AFG2A: variants seen among roughly 807,000 people sequenced by gnomAD.
AFG2A encodes the protein ATPase family gene 2 protein homolog A.
At chr4:123,290,374 A>G in the AFG2A span, among the ~76,000 whole-genome samples, 8 of 152,112 alleles carry the variant, frequency 5.3e-5, no homozygotes, top group Non-Finnish European at 7.4e-5. Flanking sequence ...CTTTTTTTAT[A>G]CAGTGAGAGA....
the AFG2A span, among the ~76,000 whole-genome samples, chr4:122,994,603 T>C: frequency 6.6e-6 from 1 of 152,202 alleles, no homozygotes; most frequent in South Asian, 2.1e-4. Context: ...TTTATACTTT[T>C]TGATCTTGCC....
the AFG2A span, among the ~76,000 whole-genome samples, chr4:123,289,752 T>C: frequency 6.6e-6 from 1 of 151,928 alleles, no homozygotes; most frequent in East Asian, 1.9e-4. Flanking sequence ...CTCATTGTGG[T>C]TTTAATTTGG....
chr4:123,091,907 C>T, the AFG2A span, among the ~76,000 whole-genome samples: 3 of 152,184 alleles, frequency 2.0e-5, no homozygotes, highest in Non-Finnish European at 4.4e-5. Flanking sequence ...GAGCTACTTT[C>T]TTCCTGTGTA....
At chr4:123,063,804 C>T in the AFG2A span, among the ~76,000 whole-genome samples, 7 of 151,708 alleles carry the variant, frequency 4.6e-5, no homozygotes, top group South Asian at 2.1e-4. Flanking sequence ...CAGGATGTTT[C>T]ACAATTGAGC....
At chr4:123,223,328 G>A in the AFG2A span, among the ~76,000 whole-genome samples, 1 of 151,934 alleles carries the variant, frequency 6.6e-6, no homozygotes, top group Admixed American at 6.6e-5. Flanking sequence ...TTGCCCATTT[G>A]TATATTTTCT....
the AFG2A span, among the ~76,000 whole-genome samples, chr4:123,310,315 G>T: frequency 6.6e-6 from 1 of 152,176 alleles, no homozygotes. Flanking sequence ...CACTATCATT[G>T]TGAATTTTAG....
chr4:123,281,637 G>A, the AFG2A span, among the ~76,000 whole-genome samples: 3 of 152,114 alleles, frequency 2.0e-5, no homozygotes, highest in African/African-American at 7.2e-5. Flanking sequence ...TAAAGTAGAA[G>A]AAAGAAATTT....
At chr4:123,192,469 C>T in the AFG2A span, among the ~76,000 whole-genome samples, 1 of 152,192 alleles carries the variant, frequency 6.6e-6, no homozygotes, top group South Asian at 2.1e-4. Context: ...AAGATGGAGG[C>T]TACTAGCTAC....
At chr4:123,098,180 T>C in the AFG2A span, among the ~76,000 whole-genome samples, 1 of 152,072 alleles carries the variant, frequency 6.6e-6, no homozygotes, top group Non-Finnish European at 1.5e-5. Flanking sequence ...ATTAGTAGCC[T>C]TTAATGTCTG....
chr4:123,024,908 C>A, the AFG2A span, among the ~76,000 whole-genome samples: 1 of 152,138 alleles, frequency 6.6e-6, no homozygotes, highest in Non-Finnish European at 1.5e-5. Context: ...CCTGGTCCTT[C>A]TCCCAGTGTG....
the AFG2A span, among the ~76,000 whole-genome samples, chr4:123,223,514 A>G: frequency 1.1e-4 from 17 of 152,154 alleles, no homozygotes; most frequent in African/African-American, 4.1e-4. Flanking sequence ...GCCTCAGGAA[A>G]CTTCCAATCA....
the AFG2A span, chr4:123,317,935 G>C: frequency 6.6e-6 from 1 of 152,314 alleles, no homozygotes; most frequent in African/African-American, 2.4e-5. Flanking sequence ...TTCCTCAGGG[G>C]AGAAAAGTTG....
the AFG2A span, among the ~76,000 whole-genome samples, chr4:123,056,744 T>A: frequency 6.6e-6 from 1 of 152,226 alleles, no homozygotes; most frequent in Non-Finnish European, 1.5e-5. Context: ...TAATAATACC[T>A]ATCATTTATT....
At chr4:123,290,490 G>A in the AFG2A span, among the ~76,000 whole-genome samples, 2 of 152,114 alleles carry the variant, frequency 1.3e-5, no homozygotes, top group Non-Finnish European at 2.9e-5. Context: ...ATAAAAGATT[G>A]TTGGCTATAG....
the AFG2A span, among the ~76,000 whole-genome samples, chr4:123,080,689 A>C: frequency 4.6e-5 from 7 of 151,102 alleles, no homozygotes; most frequent in Non-Finnish European, 1.5e-5. Flanking sequence ...TAAATATCTA[A>C]ATCTCCAGTT....
At chr4:123,039,386 G>A in the AFG2A span, among the ~76,000 whole-genome samples, 1 of 151,984 alleles carries the variant, frequency 6.6e-6, no homozygotes, top group Admixed American at 6.6e-5. Flanking sequence ...AGTTTGCCTA[G>A]GTAGTTGCTC....
the AFG2A span, among the ~76,000 whole-genome samples, chr4:123,123,552 G>T: frequency 1.3e-5 from 2 of 152,028 alleles, no homozygotes; most frequent in South Asian, 4.2e-4. Flanking sequence ...AAAATATCTG[G>T]TATACTCTGC....
chr4:123,123,326 A>G, the AFG2A span, among the ~76,000 whole-genome samples: 1 of 152,176 alleles, frequency 6.6e-6, no homozygotes, highest in Non-Finnish European at 1.5e-5. Context: ...GTTCCTGCCT[A>G]TTTAACTTTA....
chr4:123,237,392 A>G, the AFG2A span, among the ~76,000 whole-genome samples: 19 of 151,848 alleles, frequency 1.3e-4, no homozygotes, highest in East Asian at 3.9e-4. Flanking sequence ...TTAAAATTCA[A>G]TTACGGGCTG....
Sources: gnomAD v4.1 joint callset for allele counts (sites outside exome capture counted in the v4.1 genomes callset) on GRCh38, gnomAD v4.1.1 for gene constraint, MANE v1.5 for transcripts, NCBI Gene and HGNC (gene_info 2026-07-23, HGNC 2026-07-21) for gene names.